The following KLRG1 variants were observed in gnomAD, a reference collection of about 807,000 sequenced individuals.
KLRG1 encodes killer cell lectin-like receptor subfamily G member 1.
Under a neutral mutation model 21.8 loss-of-function variants are expected in KLRG1, and 16 were observed. The ratio of observed to expected loss-of-function variants is 0.73; its 90% CI spans 0.50 to 1.11. KLRG1 has a LOEUF of 1.11. Ranked by LOEUF, KLRG1 falls within the 50% of genes most tolerant of loss-of-function variation. KLRG1 has a pLI of 0.00. For synonymous variants in KLRG1, 69 were observed against 75.9 expected (o/e 0.91, Z 0.47); for missense variants, 173 against 218.3 (o/e 0.79, Z 1.31).
chr12:9,154,049 C>T, the KLRG1 span, among the ~76,000 whole-genome samples: 1 of 152,174 alleles, frequency 6.6e-6, no homozygotes, highest in African/African-American at 2.4e-5. Flanking sequence ...TGAAATGGAA[C>T]TTCTCATTCC....
the KLRG1 span, chr12:9,154,686 G>C: frequency 6.2e-7 from 1 of 1,614,182 alleles, no homozygotes; most frequent in East Asian, 2.2e-5. Context: ...AGTTGCAGAG[G>C]TCAGGTCCCC....
chr12:9,180,123 C>T, the KLRG1 span, among the ~76,000 whole-genome samples: 2 of 152,122 alleles, frequency 1.3e-5, no homozygotes, highest in East Asian at 3.9e-4. Flanking sequence ...TCAATAGAGG[C>T]TTATTTATTT....
chr12:9,094,805 T>C, the KLRG1 span, among the ~76,000 whole-genome samples: 2 of 152,194 alleles, frequency 1.3e-5, no homozygotes, highest in East Asian at 3.8e-4. Context: ...TGTACCTCCA[T>C]TTACTAGAAT....
At chr12:9,197,258 T>C in the KLRG1 span, 1 of 586,102 alleles carries the variant, frequency 1.7e-6, no homozygotes, top group Admixed American at 3.4e-5. Context: ...TAGAAAGCTG[T>C]CTGGAAAATG....
At chr12:9,032,835 A>G in the KLRG1 span, among the ~76,000 whole-genome samples, 1 of 152,282 alleles carries the variant, frequency 6.6e-6, no homozygotes, top group East Asian at 1.9e-4. Flanking sequence ...CCAGAGGCCA[A>G]TTCAGTGCAT....
the KLRG1 span, among the ~76,000 whole-genome samples, chr12:9,031,649 A>T: frequency 6.6e-6 from 1 of 152,222 alleles, no homozygotes; most frequent in African/African-American, 2.4e-5. Context: ...AGCCCTCAGG[A>T]GGTCCTGGGA....
chr12:9,017,080 A>G, the KLRG1 span, among the ~76,000 whole-genome samples: 1 of 151,956 alleles, frequency 6.6e-6, no homozygotes, highest in Admixed American at 6.6e-5. Flanking sequence ...CCTGACCAAC[A>G]TGGCGAAACC....
At chr12:9,214,697 A>G in the KLRG1 span, among the ~76,000 whole-genome samples, 1 of 151,994 alleles carries the variant, frequency 6.6e-6, no homozygotes, top group Admixed American at 6.6e-5. Context: ...TCCAGATAGC[A>G]GTTATTTGAT....
chr12:9,037,292 C>G, the KLRG1 span: 2 of 153,580 alleles, frequency 1.3e-5, no homozygotes, highest in East Asian at 3.8e-4. Flanking sequence ...CTTTAATATA[C>G]TTTCATTGTG....
chr12:9,208,369 C>A, the KLRG1 span: 3 of 1,584,040 alleles, frequency 1.9e-6, no homozygotes, highest in Non-Finnish European at 2.6e-6. Context: ...AGGGTTGTGT[C>A]CAACTCTCTG....
the KLRG1 span, chr12:9,152,989 T>A: frequency 1.2e-6 from 2 of 1,613,456 alleles, no homozygotes; most frequent in Non-Finnish European, 1.7e-6. Flanking sequence ...TTCTCTCTTT[T>A]TCTGGACCCC....
chr12:8,955,100 A>T (rs1282944746), intron 1 of KLRG1, among the ~76,000 whole-genome samples: 1 of 151,996 alleles, frequency 6.6e-6, no homozygotes, highest in Non-Finnish European at 1.5e-5. Flanking sequence ...TATTTTTAGT[A>T]GAGATGGGGT....
At chr12:9,107,412 A>G in the KLRG1 span, 1 of 1,301,028 alleles carries the variant, frequency 7.7e-7, no homozygotes, top group Non-Finnish European at 1.0e-6. Context: ...AATAGCCAAC[A>G]TGGAATTCTC....
At chr12:9,127,249 C>T in the KLRG1 span, among the ~76,000 whole-genome samples, 1 of 152,164 alleles carries the variant, frequency 6.6e-6, no homozygotes, top group Non-Finnish European at 1.5e-5. Context: ...TTTGGTAGGA[C>T]ACCCAGTGGT....
chr12:9,001,375 G>A (rs1191084443), intron 3 of KLRG1, among the ~76,000 whole-genome samples: 3 of 152,076 alleles, frequency 2.0e-5, no homozygotes, highest in Admixed American at 2.0e-4. Context: ...TTCTTTCTGT[G>A]TATTGGCTGA....
chr12:9,047,382 A>G, the KLRG1 span, among the ~76,000 whole-genome samples: 1 of 152,224 alleles, frequency 6.6e-6, no homozygotes, highest in African/African-American at 2.4e-5. Context: ...GTAAATGTAT[A>G]TTGCAAACTC....
At chr12:8,991,868 A>AT (rs1437986239) in intron 1 of KLRG1, among the ~76,000 whole-genome samples, 1 of 152,196 alleles carries the variant, frequency 6.6e-6, no homozygotes, top group Non-Finnish European at 1.5e-5. Context: ...CAAAGGGTAC[A>AT]TGCCTTTGCC....
chr12:9,076,672 C>A, the KLRG1 span: 6 of 1,284,864 alleles, frequency 4.7e-6, no homozygotes, highest in Non-Finnish European at 6.7e-6. Flanking sequence ...ACAGGGATCA[C>A]AGGAGGTAGG....
chr12:9,044,400 C>T, the KLRG1 span, among the ~76,000 whole-genome samples: 2 of 152,040 alleles, frequency 1.3e-5, no homozygotes, highest in Non-Finnish European at 2.9e-5. Flanking sequence ...CGTGGTGGCT[C>T]ACACCTGTAA....
Sources: allele counts gnomAD v4.1 joint callset (sites outside exome capture counted in the v4.1 genomes callset), GRCh38; gene constraint gnomAD v4.1.1; transcripts MANE v1.5; gene names NCBI Gene and HGNC (gene_info 2026-07-23, HGNC 2026-07-21).